CECR2: variants seen among roughly 807,000 people sequenced by gnomAD.
The protein encoded by CECR2 is chromatin remodeling regulator CECR2.
Under a neutral mutation model 154.5 loss-of-function variants are expected in CECR2, and 30 were observed. The ratio of observed to expected loss-of-function variants is 0.19; its 90% CI spans 0.15 to 0.26. The LOEUF (loss-of-function observed/expected upper bound fraction) is 0.26. Among genes scored for constraint, CECR2 ranks in the 10% least tolerant of loss-of-function variants. CECR2 has a pLI of 1.00. For missense variants in CECR2, 1,743 were observed against 1,829.3 expected (o/e 0.95, Z 0.86); for synonymous variants, 725 against 683.7 (o/e 1.06, Z -0.94).
chr22:17,417,964 C>T (rs1418890639), intron 1 of CECR2, among the ~76,000 whole-genome samples: 2 of 151,820 alleles, frequency 1.3e-5, no homozygotes, highest in Non-Finnish European at 2.9e-5. Context: ...CTTGATAGAA[C>T]GTATTATACT....
At chr22:17,402,383 A>G (rs561743073) in intron 1 of CECR2, among the ~76,000 whole-genome samples, 2 of 152,362 alleles carry the variant, frequency 1.3e-5, no homozygotes, top group South Asian at 2.1e-4. Context: ...CATGTATATC[A>G]GGGCTCAGCA....
chr22:17,389,507 C>G (rs574889305), intron 1 of CECR2, among the ~76,000 whole-genome samples: 2 of 152,100 alleles, frequency 1.3e-5, no homozygotes, highest in Non-Finnish European at 2.9e-5. Flanking sequence ...TGGGGTCTCA[C>G]GCTGTGTTGC....
At chr22:17,513,209 T>TATCAC (rs2055991035) in intron 8 of CECR2, among the ~76,000 whole-genome samples, 2 of 152,190 alleles carry the variant, frequency 1.3e-5, no homozygotes, top group South Asian at 2.1e-4. Context: ...TAAATTACTT[T>TATCAC]ATCACATCAC....
intron 9 of CECR2, among the ~76,000 whole-genome samples, chr22:17,525,285 C>CA (rs1569142080): frequency 0.14 from 4,620 of 32,298 alleles, 1,575 homozygotes; most frequent in South Asian, 0.17. Context: ...AACTCCATCT[C>CA]CAAAAAAAAA....
At chr22:17,452,208 G>T (rs2054782164) in intron 1 of CECR2, among the ~76,000 whole-genome samples, 1 of 152,170 alleles carries the variant, frequency 6.6e-6, no homozygotes, top group Admixed American at 6.5e-5. Flanking sequence ...GAATAGCTGG[G>T]ATTACACGTG....
chr22:17,513,412 A>G (rs1283162653), intron 8 of CECR2, among the ~76,000 whole-genome samples: 3 of 152,212 alleles, frequency 2.0e-5, no homozygotes, highest in Non-Finnish European at 2.9e-5. Context: ...CATGGATCTT[A>G]AATTTGAGTG....
upstream of CECR2, among the ~76,000 whole-genome samples, chr22:17,366,528 G>A (rs2063002925): frequency 6.6e-6 from 1 of 152,086 alleles, no homozygotes; most frequent in African/African-American, 2.4e-5. Flanking sequence ...AGTGTTTCGA[G>A]GGTGAAAGAA....
chr22:17,452,785 C>T (rs2054792178), intron 1 of CECR2, among the ~76,000 whole-genome samples: 1 of 152,094 alleles, frequency 6.6e-6, no homozygotes, highest in Non-Finnish European at 1.5e-5. Context: ...TTTTTGGAGC[C>T]TTCAGAGTAT....
At chr22:17,388,918 T>G (rs1416242815) in intron 1 of CECR2, among the ~76,000 whole-genome samples, 3 of 151,994 alleles carry the variant, frequency 2.0e-5, no homozygotes, top group African/African-American at 7.3e-5. Flanking sequence ...GTTCAAGCAG[T>G]TCTCCTGCTT....
intron 1 of CECR2, among the ~76,000 whole-genome samples, chr22:17,407,478 C>T (rs953341416): frequency 6.6e-6 from 1 of 151,938 alleles, no homozygotes; most frequent in African/African-American, 2.4e-5. Context: ...GCGTGTAATC[C>T]CAGCTACTGG....
Position 17,552,025 on chromosome 22 carries a change from C to G in CECR2, c.4278-6C>G. 6.2e-7 allele frequency: 1 copy of G among 1,613,042 alleles called. No individual in the cohort carries two copies. The highest frequency in any genetic ancestry group is 8.5e-7 in the Non-Finnish European group (1 of 1,179,036). On this transcript the variant is annotated splice_polypyrimidine_tract_variant and splice_region_variant and intron_variant, in intron 17 of 18. Coordinates refer to ENST00000262608, the MANE Select transcript of CECR2 (RefSeq NM_001290047.2). ...ATTCTTCATTGCTTCTTTCTCGTGG[C>G]TGTAGAATGCAGATGCACCCGGTCC...
rs117174479 is a variant in CECR2, at chr22:17,497,006, C to T, written c.222-397C>T. Among the ~76,000 whole-genome samples the T allele has an allele frequency of 4.9e-4, 74 of 152,244 alleles. 1 individual carries two copies. The East Asian group carries it at 0.014, about 28-fold the overall frequency. On this transcript the variant is annotated intron_variant, in intron 2 of 18. Transcript: ENST00000262608. ...TTTCTGCTTTCTGTGTAAAATTTGT[C>T]AACTGGGCCAAGCGTGTTACCTCAC...
intron 2 of CECR2, among the ~76,000 whole-genome samples, chr22:17,495,863 A>C (rs2055617902): frequency 2.3e-5 from 1 of 44,152 alleles, no homozygotes; most frequent in African/African-American, 8.6e-5. Flanking sequence ...CTCTGTCTCA[A>C]AAAAAAAAAA....
intron 1 of CECR2, among the ~76,000 whole-genome samples, chr22:17,394,393 G>C (rs1414485911): frequency 8.6e-5 from 13 of 151,142 alleles, no homozygotes; most frequent in Admixed American, 2.6e-4. Context: ...TTTTTTTGTA[G>C]AGACAGGGTC....
At chr22:17,471,145 G>A (rs889680116) in intron 1 of CECR2, among the ~76,000 whole-genome samples, 5 of 152,168 alleles carry the variant, frequency 3.3e-5, no homozygotes, top group African/African-American at 1.2e-4. Flanking sequence ...CTAGGAACCT[G>A]TGCCATTTTT....
chr22:17,376,228 T>G (rs1452801240), intron 1 of CECR2, among the ~76,000 whole-genome samples: 1 of 151,912 alleles, frequency 6.6e-6, no homozygotes, highest in Non-Finnish European at 1.5e-5. Context: ...GCTGCTTTGG[T>G]GTGTGTGTGT....
intron 1 of CECR2, among the ~76,000 whole-genome samples, chr22:17,452,593 G>C (rs151126723): frequency 1.9e-4 from 29 of 152,292 alleles, no homozygotes; most frequent in Middle Eastern, 3.4e-3. Context: ...CTGAGTAGCT[G>C]AAAGAATGGA....
intron 1 of CECR2, among the ~76,000 whole-genome samples, chr22:17,401,448 C>T (rs2053890171): frequency 6.6e-6 from 1 of 152,086 alleles, no homozygotes; most frequent in African/African-American, 2.4e-5. Context: ...ATCCTTGTGT[C>T]CCTTTGTAAT....
Position 17,542,184 on chromosome 22 carries a change from G to A in CECR2, c.2041G>A (p.Gly681Arg), listed in dbSNP as rs1447550873. The A allele has an allele frequency of 6.2e-7, 1 of 1,611,698 alleles. No individual in the cohort carries two copies. The change falls in exon 16 of 19, where the codon GGA (glycine) becomes AGA (arginine). Residue 681 changes from glycine (G) to arginine (R), a missense_variant. Coordinates refer to ENST00000262608, the MANE Select transcript of CECR2 (RefSeq NM_001290047.2). ...TCCAGTTGGAATTAACAGCCTCCGA[G>A]GACCCAGGCTAGGCACACCAGAGGA... ...QPPVGINSLR[G>R]PRLGTPEEKQ...
Sources: gnomAD v4.1 joint callset for allele counts (sites outside exome capture counted in the v4.1 genomes callset) on GRCh38, gnomAD v4.1.1 for gene constraint, MANE v1.5 for transcripts, NCBI Gene and HGNC (gene_info 2026-07-23, HGNC 2026-07-21) for gene names.